Variants in ZNF774 observed in about 807,000 individuals in gnomAD.
The protein encoded by ZNF774 is zinc finger protein 774.
A neutral mutation model predicts 11.1 loss-of-function variants in ZNF774; 14 were observed. The observed-to-expected ratio is 1.26, with a 90% CI of 0.83 to 1.97. The LOEUF (loss-of-function observed/expected upper bound fraction) is 1.97. Among genes scored for constraint, ZNF774 ranks in the 30% most tolerant of loss-of-function variants. The probability of loss-of-function intolerance (pLI) is 0.00; values close to 1 mark genes in which losing one functional copy is unlikely to be tolerated. For missense variants in ZNF774, 599 were observed against 587.0 expected (o/e 1.02, Z -0.21); for synonymous variants, 195 against 212.6 (o/e 0.92, Z 0.72).
At chr15:90,359,979 C>T (rs1202390536) in intron 3 of ZNF774, 64 bp from the exon 4 acceptor site, 1 of 1,501,772 alleles carries the variant, frequency 6.7e-7, no homozygotes, top group African/African-American at 1.4e-5. Context: ...TTTGTCACTG[C>T]TTTCTGATAT....
rs374846252 is a variant in ZNF774 at position 90,360,716 on chromosome 15, C to A, written c.885C>A (p.Asp295Glu). The change falls in exon 4 of 4, where the codon GAC (aspartate) becomes GAA (glutamate). Residue 295 changes from aspartate (D) to glutamate (E), a missense_variant. Asp to Glu is a conservative substitution (Grantham distance 45). Coordinates refer to ENST00000354377, the MANE Select transcript of ZNF774 (RefSeq NM_001004309.3). ...GGGTGAAGCCTTACAGGTGTAATGA[C>A]TGTGGGGAGAGTTTTAGCCAGAGCT... ...HTGVKPYRCNDCGESFSQSSD... is the reference protein window; with the variant it reads ...HTGVKPYRCNECGESFSQSSD... 3.1e-6 allele frequency: 5 copies of A among 1,614,200 alleles called. No homozygotes were observed. Among genetic ancestry groups the A allele is most frequent in the Non-Finnish European group, 4.2e-6 (5 of 1,180,018 alleles).
chr15:90,356,310 C>T (rs547633146), intron 2 of ZNF774, among the ~76,000 whole-genome samples: 11 of 151,730 alleles, frequency 7.2e-5, no homozygotes, highest in African/African-American at 2.4e-4. Context: ...TCAAGTGATC[C>T]GCTCACTTCG....
rs1012739877 is a variant in ZNF774, at chr15:90,362,644, A to G, written c.*1361A>G. The G allele has an allele frequency of 4.1e-6, 6 of 1,470,176 alleles. No homozygotes were observed. In the African/African-American group the frequency reaches 8.4e-5, roughly 21 times the overall value. 91.1% of individuals were successfully genotyped at this position (1,470,176 alleles called of 1,614,324 possible). Reference sequence around the variant, plus strand: ...AGAACACCGACTTCATTGAGAAGGTAAAGTATTTGAGTCCTGGCCCTGACG... The same window carrying G: ...AGAACACCGACTTCATTGAGAAGGTGAAGTATTTGAGTCCTGGCCCTGACG... On this transcript the variant is annotated 3_prime_UTR_variant, in exon 4 of 4. Transcript: ENST00000354377.
In ZNF774 at chr15:90,362,748, TACAC is replaced by T. The variant is rs59687959; in HGVS notation, c.*1500_*1503del. Reference sequence around the variant, plus strand: ...CAAGGTTGTTGTGAGGATCTAAAAATACACACACACACACACACACACACACACA... The same window carrying T: ...CAAGGTTGTTGTGAGGATCTAAAAATACACACACACACACACACACACACA... On this transcript the variant is annotated 3_prime_UTR_variant, in exon 4 of 4. Coordinates refer to ENST00000354377, the MANE Select transcript of ZNF774 (RefSeq NM_001004309.3). The T allele has an allele frequency of 0.19, 90,144 of 484,628 alleles. 4,622 individuals are homozygous for T. The highest frequency in any genetic ancestry group is 0.38 in the East Asian group (11,329 of 29,578). The allele number at this position is 484,628 out of a possible 1,614,324, so 30.0% of individuals were successfully genotyped here. A position where few individuals can be genotyped will look rare whatever the true frequency, so the allele number is the denominator to read the frequency against.
intron 2 of ZNF774, among the ~76,000 whole-genome samples, chr15:90,355,198 C>G (rs1964227107): frequency 6.6e-6 from 1 of 152,204 alleles, no homozygotes; most frequent in Admixed American, 6.5e-5. Flanking sequence ...TCTTAGAGCT[C>G]CAGACCTCTG....
intron 2 of ZNF774, among the ~76,000 whole-genome samples, chr15:90,357,731 G>A (rs139435459): frequency 0.033 from 5,073 of 151,672 alleles, 156 homozygotes; most frequent in East Asian, 0.096. Flanking sequence ...ACCACCACAC[G>A]TGGCTAATTT....
chr15:90,357,715 G>A (rs1384663896), intron 2 of ZNF774, among the ~76,000 whole-genome samples: 1 of 152,022 alleles, frequency 6.6e-6, no homozygotes, highest in Non-Finnish European at 1.5e-5. Flanking sequence ...GGGATTACAG[G>A]TGTGCACCAC....
In ZNF774 at chr15:90,360,482, C is replaced by T. The variant is rs145112167; in HGVS notation, c.651C>T (p.Ser217=). ...GCAAGGGGTGTGAGAAGAAATTCAG[C>T]GACAGCTCAACACTCATCAAACATC... is the stretch of plus-strand genomic sequence containing the variant. ...YQCKGCEKKF[S]DSSTLIKHQR... is the part of the protein sequence containing the mutation. Residue 217 remains serine (S), a synonymous_variant, in exon 4 of 4, where the codon AGC becomes AGT. Transcript: ENST00000354377. The T allele has an allele frequency of 9.3e-6, 15 of 1,613,686 alleles. No homozygotes were observed. The highest frequency in any genetic ancestry group is 3.3e-5 in the South Asian group (3 of 91,084).
At position 90,362,460 on chromosome 15, in the gene ZNF774, G is replaced by C; in HGVS notation, c.*1177G>C. 1 of 1,276,714 alleles carries C rather than the reference G, an allele frequency of 7.8e-7. No homozygotes were observed. The highest frequency in any genetic ancestry group is 1.1e-6 in the Non-Finnish European group (1 of 912,684). The allele number at this position is 1,276,714 out of a possible 1,614,324, so 79.1% of individuals were successfully genotyped here. ...TTACAGGGATCCTCCCTGGCATTTAGCTGAAGGAAGCAACTCTTGTTTTCT... is the reference window on the plus strand; with the variant it reads ...TTACAGGGATCCTCCCTGGCATTTACCTGAAGGAAGCAACTCTTGTTTTCT... On this transcript the variant is annotated 3_prime_UTR_variant, in exon 4 of 4. Coordinates refer to ENST00000354377, the MANE Select transcript of ZNF774 (RefSeq NM_001004309.3).
At chr15:90,355,333 A>G (rs542203107) in intron 2 of ZNF774, 2 of 455,980 alleles carry the variant, frequency 4.4e-6, no homozygotes, top group Non-Finnish European at 8.8e-6. Context: ...CTTATGTATT[A>G]CTATCCCCCT....
rs1299295804 is a variant in ZNF774, at chr15:90,361,379, A to C, written c.*96A>C. 4.0e-6 allele frequency: 6 copies of C among 1,501,616 alleles called. No homozygotes were observed. The African/African-American group carries it at 8.4e-5, about 21-fold the overall frequency. The allele number at this position is 1,501,616 out of a possible 1,614,324, so 93.0% of individuals were successfully genotyped here. A position where few individuals can be genotyped will look rare whatever the true frequency, so the allele number is the denominator to read the frequency against. ...GAGAAAACCTGGGCGTCAGTGGCTC[A>C]ATTTGGGCCCTGATCTATTCTCCCT... On this transcript the variant is annotated 3_prime_UTR_variant, in exon 4 of 4. Transcript: ENST00000354377.
rs1262293242 is a variant in ZNF774, at chr15:90,361,519, T to C, written c.*236T>C. Reference sequence around the variant, plus strand: ...GACTCTTAGGGAAATGTGAGTTTAATAGTTGATGCCCGCCAGGCGTGGTGG... The same window carrying C: ...GACTCTTAGGGAAATGTGAGTTTAACAGTTGATGCCCGCCAGGCGTGGTGG... On this transcript the variant is annotated 3_prime_UTR_variant, in exon 4 of 4. Transcript: ENST00000354377. 3.2e-6 allele frequency: 4 copies of C among 1,259,164 alleles called. No homozygotes were observed. The South Asian group carries it at 7.2e-5, about 23-fold the overall frequency. The allele number at this position is 1,259,164 out of a possible 1,614,324, so 78.0% of individuals were successfully genotyped here.
At position 90,360,058 on chromosome 15, in the gene ZNF774, T is replaced by C. The variant is rs1964304039; in HGVS notation, c.227T>C (p.Val76Ala). The C allele has an allele frequency of 6.2e-7, 1 of 1,604,730 alleles. No individual in the cohort carries two copies. Among genetic ancestry groups the C allele is most frequent in the Admixed American group, 1.7e-5 (1 of 58,320 alleles). ...RESHTDCEHQ[V>A]AKLNQDNSET... ...AATTTTTCAGACTGTGAGCATCAGG[T>C]GGCAAAGCTCAATCAGGACAATTCT... The change falls in exon 4 of 4, where the codon GTG becomes GCG. Residue 76 changes from valine to alanine, a missense_variant. Transcript: ENST00000354377.
intron 2 of ZNF774, among the ~76,000 whole-genome samples, chr15:90,358,018 C>T (rs142984104): frequency 0.033 from 5,082 of 151,984 alleles, 158 homozygotes; most frequent in East Asian, 0.098. Context: ...GCCTCAGCCT[C>T]CCGAGTAACT....
At position 90,360,857 on chromosome 15, in the gene ZNF774, A is replaced by G; in HGVS notation, c.1026A>G (p.Ser342=). The change falls in exon 4 of 4, where the codon TCA becomes TCG. Residue 342 remains serine, a synonymous_variant. Transcript: ENST00000354377. ...SHFVAHMSTH[S]GERPFSCPDC... ...TTGTAGCTCACATGAGCACTCATTCAGGAGAGAGGCCTTTCAGTTGTCCTG... is the reference window on the plus strand; with the variant it reads ...TTGTAGCTCACATGAGCACTCATTCGGGAGAGAGGCCTTTCAGTTGTCCTG... The G allele has an allele frequency of 6.2e-7, 1 of 1,614,174 alleles. No individual in the cohort carries two copies. The highest frequency in any genetic ancestry group is 1.6e-4 in the Middle Eastern group (1 of 6,062).
Position 90,354,542 on chromosome 15 carries a change from G to A in ZNF774, c.-19-100G>A, listed in dbSNP as rs1162619845. 10 of 705,308 alleles carry A rather than the reference G, an allele frequency of 1.4e-5. No homozygotes were observed. In the Admixed American group the frequency reaches 1.8e-4, roughly 13 times the overall value. 43.7% of individuals were successfully genotyped at this position (705,308 alleles called of 1,614,324 possible). A position where few individuals can be genotyped will look rare whatever the true frequency, so the allele number is the denominator to read the frequency against. ...CCTCAGGACCATTCTGGTCAGGTGTGGGGGGTTGTTTGTGTACACTGGTGG... is the reference window on the plus strand; with the variant it reads ...CCTCAGGACCATTCTGGTCAGGTGTAGGGGGTTGTTTGTGTACACTGGTGG... On this transcript the variant is annotated intron_variant, in intron 1 of 3. Transcript: ENST00000354377.
chr15:90,361,255 T>C lies in ZNF774; in HGVS notation c.1424T>C (p.Leu475Ser), dbSNP rs1964332794. The change falls in exon 4 of 4, where the codon TTA becomes TCA. Residue 475 changes from leucine (L) to serine (S), a missense_variant. By Grantham distance (145) the Leu-to-Ser change is moderately radical. Transcript: ENST00000354377. ...AGCTTCCGTCAGAAAGCGCATCTTT[T>C]ATGCCATCAAAACACCCATTTGATT... ...NKSFRQKAHLLCHQNTHLI is the reference protein window; with the variant it reads ...NKSFRQKAHLSCHQNTHLI The C allele has an allele frequency of 6.2e-7, 1 of 1,607,886 alleles. No homozygotes were observed. Among genetic ancestry groups the C allele is most frequent in the Non-Finnish European group, 8.5e-7 (1 of 1,176,374 alleles).
intron 2 of ZNF774, among the ~76,000 whole-genome samples, chr15:90,355,721 T>TG (rs1385921676): frequency 3.2e-5 from 1 of 30,952 alleles, no homozygotes; most frequent in Admixed American, 4.2e-4. Context: ...AGACTCTGTC[T>TG]CAAAAAAAAA....
At position 90,356,867 on chromosome 15, in the gene ZNF774, T is replaced by C. The variant is rs141789332; in HGVS notation, c.105-1984T>C. 1.6e-3 allele frequency among the ~76,000 whole-genome samples: 248 copies of C among 152,302 alleles called. 1 individual carries two copies. The highest frequency in any genetic ancestry group is 5.6e-3 in the African/African-American group (233 of 41,548). On this transcript the variant is annotated intron_variant, in intron 2 of 3. Transcript: ENST00000354377. ...CAATTGCCTGAGCTACTTGGGAGGCTGAGGCAGGAGGATCCCTTCAGCACA... is the reference window on the plus strand; with the variant it reads ...CAATTGCCTGAGCTACTTGGGAGGCCGAGGCAGGAGGATCCCTTCAGCACA...
Sources: allele counts gnomAD v4.1 joint callset (sites outside exome capture counted in the v4.1 genomes callset), GRCh38; gene constraint gnomAD v4.1.1; transcripts MANE v1.5; gene names NCBI Gene and HGNC (gene_info 2026-07-23, HGNC 2026-07-21).